CHST8: variants seen among roughly 807,000 people sequenced by gnomAD.
CHST8 encodes the protein carbohydrate sulfotransferase 8, also known as GALNAC-4-ST1.
A neutral mutation model predicts 15.0 loss-of-function variants in CHST8; 10 were observed. The observed-to-expected ratio is 0.67, with a 90% CI of 0.41 to 1.13. The LOEUF is 1.13. CHST8 is among the 50% of genes most tolerant of loss of function. CHST8 has a pLI of 0.00. For missense variants in CHST8, 634 were observed against 608.2 expected, an observed-to-expected ratio of 1.04 and a Z score of -0.45; for synonymous variants, 259 against 256.6, an observed-to-expected ratio of 1.01 and a Z score of -0.09.
intron 3 of CHST8, among the ~76,000 whole-genome samples, chr19:33,716,561 T>C (rs1973669140): frequency 1.3e-5 from 2 of 152,112 alleles, no homozygotes; most frequent in South Asian, 4.2e-4. Flanking sequence ...AGAGACAAGG[T>C]CTTACTCTGT....
intron 1 of CHST8, among the ~76,000 whole-genome samples, chr19:33,647,101 C>T (rs1972364549): frequency 6.6e-6 from 1 of 152,148 alleles, no homozygotes; most frequent in African/African-American, 2.4e-5. Context: ...AGAGATAATA[C>T]ATTTGGGAGT....
chr19:33,755,019 C>T (rs1974518392), intron 3 of CHST8, among the ~76,000 whole-genome samples: 1 of 152,220 alleles, frequency 6.6e-6, no homozygotes, highest in African/African-American at 2.4e-5. Context: ...CTGGCCCATC[C>T]TTGTGTCTCT....
At chr19:33,770,397 G>A (rs563807198) in intron 3 of CHST8, among the ~76,000 whole-genome samples, 100 of 152,296 alleles carry the variant, frequency 6.6e-4, no homozygotes, top group Middle Eastern at 6.8e-3. Flanking sequence ...GCCTCAGGAC[G>A]AAAATGTCCA....
chr19:33,689,681 T>C (rs1973060685), intron 3 of CHST8, among the ~76,000 whole-genome samples: 1 of 152,184 alleles, frequency 6.6e-6, no homozygotes, highest in Non-Finnish European at 1.5e-5. Context: ...GAAACTCAGA[T>C]TTAAACAGGA....
At chr19:33,653,409 A>G (rs116689856) in intron 1 of CHST8, among the ~76,000 whole-genome samples, 6 of 152,066 alleles carry the variant, frequency 3.9e-5, no homozygotes, top group Admixed American at 3.3e-4. Flanking sequence ...TCTCTGTTTC[A>G]TATTTTTCAG....
chr19:33,773,204 C>T lies in CHST8; in HGVS notation c.*141C>T. ...GCCATCGCTGTGGGAGGCAGCAGGCCCCGGGTGGGGGGCAGAGGCGCCCAG... is the reference window on the plus strand; with the variant it reads ...GCCATCGCTGTGGGAGGCAGCAGGCTCCGGGTGGGGGGCAGAGGCGCCCAG... On this transcript the variant is annotated 3_prime_UTR_variant, in exon 5 of 5. Coordinates refer to ENST00000650847, the MANE Select transcript of CHST8 (RefSeq NM_001127895.2). 1 of 1,036,866 alleles carries T rather than the reference C, an allele frequency of 9.6e-7. No individual in the cohort carries two copies. The highest frequency in any genetic ancestry group is 2.6e-5 in the East Asian group (1 of 37,998). The allele number at this position is 1,036,866 out of a possible 1,614,324, so 64.2% of individuals were successfully genotyped here.
At chr19:33,741,129 A>T (rs1599607059) in intron 3 of CHST8, among the ~76,000 whole-genome samples, 1 of 151,946 alleles carries the variant, frequency 6.6e-6, no homozygotes, top group East Asian at 1.9e-4. Flanking sequence ...TCCAGCTTAG[A>T]CCCCAGCCAG....
At chr19:33,679,609 T>A (rs1376475320) in intron 2 of CHST8, among the ~76,000 whole-genome samples, 1 of 152,226 alleles carries the variant, frequency 6.6e-6, no homozygotes, top group East Asian at 1.9e-4. Flanking sequence ...CCTTCGTGTC[T>A]CAGTAACTGA....
chr19:33,691,833 G>A (rs1213157141), intron 3 of CHST8, among the ~76,000 whole-genome samples: 3 of 152,226 alleles, frequency 2.0e-5, no homozygotes, highest in Admixed American at 6.5e-5. Flanking sequence ...GTGTTGGGGT[G>A]GAGGGCTGGG....
chr19:33,645,032 A>T (rs1345395247), intron 1 of CHST8, among the ~76,000 whole-genome samples: 1 of 152,206 alleles, frequency 6.6e-6, no homozygotes, highest in Admixed American at 6.5e-5. Context: ...TCTGGTGGCT[A>T]CAGCCCAGGG....
intron 1 of CHST8, among the ~76,000 whole-genome samples, chr19:33,658,521 T>G (rs992371194): frequency 1.3e-5 from 2 of 152,216 alleles, no homozygotes; most frequent in Non-Finnish European, 2.9e-5. Flanking sequence ...AATGTCTTTA[T>G]TTTGCCCTCA....
chr19:33,655,818 T>C (rs979348543), intron 1 of CHST8, among the ~76,000 whole-genome samples: 4 of 152,220 alleles, frequency 2.6e-5, no homozygotes, highest in Non-Finnish European at 5.9e-5. Flanking sequence ...TTGATTTCAT[T>C]GGCCTTTTCT....
At chr19:33,747,338 G>A (rs1386985303) in intron 3 of CHST8, among the ~76,000 whole-genome samples, 3 of 152,250 alleles carry the variant, frequency 2.0e-5, no homozygotes, top group Non-Finnish European at 4.4e-5. Context: ...CAGCTGATAG[G>A]ATACTCCTCT....
intron 3 of CHST8, among the ~76,000 whole-genome samples, chr19:33,723,046 G>C (rs1439589195): frequency 6.6e-6 from 1 of 152,206 alleles, no homozygotes; most frequent in Non-Finnish European, 1.5e-5. Context: ...ACTTCCTGCA[G>C]AGCCCAGGGC....
rs1013712435 is a variant in CHST8 at position 33,773,211 on chromosome 19, G to T, written c.*148G>T. The T allele has an allele frequency of 1.9e-5, 17 of 902,624 alleles. No homozygotes were observed. Among genetic ancestry groups the T allele is most frequent in the African/African-American group, 3.4e-5 (2 of 59,454 alleles). 55.9% of individuals were successfully genotyped at this position (902,624 alleles called of 1,614,324 possible). On this transcript the variant is annotated 3_prime_UTR_variant, in exon 5 of 5. Coordinates refer to ENST00000650847, the MANE Select transcript of CHST8 (RefSeq NM_001127895.2). Reference sequence around the variant, plus strand: ...CTGTGGGAGGCAGCAGGCCCCGGGTGGGGGGCAGAGGCGCCCAGCCTTGGA... The same window carrying T: ...CTGTGGGAGGCAGCAGGCCCCGGGTTGGGGGCAGAGGCGCCCAGCCTTGGA...
At chr19:33,717,146 G>A (rs1973679341) in intron 3 of CHST8, among the ~76,000 whole-genome samples, 1 of 152,116 alleles carries the variant, frequency 6.6e-6, no homozygotes, top group Non-Finnish European at 1.5e-5. Context: ...TGCAAGTATA[G>A]GGATTTATTA....
At chr19:33,736,377 C>A (rs1974084035) in intron 3 of CHST8, among the ~76,000 whole-genome samples, 1 of 152,192 alleles carries the variant, frequency 6.6e-6, no homozygotes, top group Non-Finnish European at 1.5e-5. Context: ...CCCCAGCTAA[C>A]CGCTCCCAGG....
At position 33,713,108 on chromosome 19, in the gene CHST8, C is replaced by T. The variant is rs1178344222; in HGVS notation, c.130+23717C>T. Among the ~76,000 whole-genome samples, 3 of 152,126 alleles carry T rather than the reference C, an allele frequency of 2.0e-5. No individual in the cohort carries two copies. In the East Asian group the frequency reaches 5.8e-4, roughly 29 times the overall value. On this transcript the variant is annotated intron_variant, in intron 3 of 4. Transcript: ENST00000650847. ...CACCAGCCATAGGCAACCCCAGCCT[C>T]CTCTGACATAAGCCCCTCCATCCCT... is the stretch of plus-strand genomic sequence containing the variant.
At position 33,679,134 on chromosome 19, in the gene CHST8, G is replaced by A. The variant is rs891495365; in HGVS notation, c.-86-10042G>A. Among the ~76,000 whole-genome samples, 4 of 152,210 alleles carry A rather than the reference G, an allele frequency of 2.6e-5. No individual in the cohort carries two copies. The East Asian group carries it at 7.7e-4, about 29-fold the overall frequency. On this transcript the variant is annotated intron_variant, in intron 2 of 4. Transcript: ENST00000650847. Reference sequence around the variant, plus strand: ...CTTGTGTGTCTGCACCCTGCCAGGGGCCAGGGCATTTCAGGTTTACTCACA... The same window carrying A: ...CTTGTGTGTCTGCACCCTGCCAGGGACCAGGGCATTTCAGGTTTACTCACA...
Sources: gnomAD v4.1 joint callset for allele counts (sites outside exome capture counted in the v4.1 genomes callset) on GRCh38, gnomAD v4.1.1 for gene constraint, MANE v1.5 for transcripts, NCBI Gene and HGNC (gene_info 2026-07-23, HGNC 2026-07-21) for gene names.